Variants in RIOK1 observed in about 807,000 individuals in gnomAD.
RIOK1 encodes the protein RIO kinase 1, also known as serine/threonine-protein kinase RIO1.
In RIOK1, 66 loss-of-function variants were observed where a neutral mutation model predicts 73.5. The observed-to-expected ratio is 0.90, with a 90% CI of 0.74 to 1.10. The LOEUF is 1.10. Ranked by LOEUF, RIOK1 falls within the 50% of genes least tolerant of loss-of-function variation. The pLI, the probability that RIOK1 is intolerant of heterozygous loss-of-function variation, is 0.00. For synonymous variants in RIOK1, 224 were observed against 226.8 expected (o/e 0.99, Z 0.11); for missense variants, 658 against 699.8 (o/e 0.94, Z 0.67).
intron 1 of RIOK1, among the ~76,000 whole-genome samples, chr6:7,390,478 T>G (rs1215899615): frequency 6.6e-6 from 1 of 152,248 alleles, no homozygotes; most frequent in Non-Finnish European, 1.5e-5. Flanking sequence ...GAACTTTACC[T>G]TCTACGTGAA....
intron 15 of RIOK1, among the ~76,000 whole-genome samples, chr6:7,413,913 A>G (rs529187845): frequency 7.9e-5 from 12 of 152,288 alleles, no homozygotes; most frequent in South Asian, 2.1e-4. Flanking sequence ...TTCTACCTCT[A>G]TGTATATTTT....
chr6:7,417,231 C>A, intron 16 of RIOK1, 100 bp from the exon 17 acceptor site: 1 of 663,776 alleles, frequency 1.5e-6, no homozygotes, highest in Non-Finnish European at 2.5e-6. Flanking sequence ...GCCTGGGCGA[C>A]AGAGCAAGAC....
In RIOK1 at chr6:7,417,521, C is replaced by T. The variant is rs558779685; in HGVS notation, c.*80C>T. On this transcript the variant is annotated 3_prime_UTR_variant, in exon 17 of 17. Coordinates refer to ENST00000379834, the MANE Select transcript of RIOK1 (RefSeq NM_031480.3). ...CTCTTAAGCTGCATCTGGAAGATGGCTTATTGGTTTTAACCAGATTGTCAT... is the reference window on the plus strand; with the variant it reads ...CTCTTAAGCTGCATCTGGAAGATGGTTTATTGGTTTTAACCAGATTGTCAT... The T allele has an allele frequency of 1.9e-4, 164 of 856,136 alleles. No individual in the cohort carries two copies. Among genetic ancestry groups the T allele is most frequent in the Non-Finnish European group, 2.7e-4 (153 of 558,302 alleles). The allele number at this position is 856,136 out of a possible 1,614,324, so 53.0% of individuals were successfully genotyped here.
intron 12 of RIOK1, among the ~76,000 whole-genome samples, chr6:7,408,755 CT>C (rs1434182351): frequency 3.4e-5 from 5 of 149,156 alleles, no homozygotes; most frequent in Admixed American, 6.7e-5. Context: ...GAGTTTCCCT[CT>C]TGTTGCCCAG....
rs368751521 is a variant in RIOK1 at position 7,396,810 on chromosome 6, A to G, written c.437+38A>G. On this transcript the variant is annotated intron_variant, in intron 4 of 16. Coordinates refer to ENST00000379834, the MANE Select transcript of RIOK1 (RefSeq NM_031480.3). ...TTAATAATATGCATGGGTGATAAGGACTAATCTAGATTAAGCAGCACCTTG... is the reference window on the plus strand; with the variant it reads ...TTAATAATATGCATGGGTGATAAGGGCTAATCTAGATTAAGCAGCACCTTG... The G allele has an allele frequency of 5.3e-5, 58 of 1,095,438 alleles. No individual in the cohort carries two copies. In the African/African-American group the frequency reaches 7.6e-4, roughly 14 times the overall value. The allele number at this position is 1,095,438 out of a possible 1,614,324, so 67.9% of individuals were successfully genotyped here.
In RIOK1 at chr6:7,410,372, G is replaced by A; in HGVS notation, c.1204-14G>A. 6.3e-7 allele frequency: 1 copy of A among 1,596,742 alleles called. No homozygotes were observed. ...TTGAATATAAAAGAAAGTCATTTTT[G>A]TTTTCTTTCCAAGGCCATGGAAATA... On this transcript the variant is annotated splice_polypyrimidine_tract_variant and intron_variant, in intron 12 of 16. Coordinates refer to ENST00000379834, the MANE Select transcript of RIOK1 (RefSeq NM_031480.3).
Position 7,410,507 on chromosome 6 carries a change from T to A in RIOK1, c.1269+56T>A, listed in dbSNP as rs1761860549. 3.4e-6 allele frequency: 4 copies of A among 1,161,698 alleles called. No individual in the cohort carries two copies. The South Asian group carries it at 5.3e-5, about 16-fold the overall frequency. The allele number at this position is 1,161,698 out of a possible 1,614,324, so 72.0% of individuals were successfully genotyped here. ...GAAACACTTGTGTTTTGAGGGTTTT[T>A]TTTTTTATGTTGCTAGAGCATAAAC... On this transcript the variant is annotated intron_variant, in intron 13 of 16. Transcript: ENST00000379834.
intron 12 of RIOK1, among the ~76,000 whole-genome samples, chr6:7,405,672 C>T (rs1259902643): frequency 6.6e-6 from 1 of 152,048 alleles, no homozygotes; most frequent in Admixed American, 6.6e-5. Context: ...ACCCAGATTG[C>T]ATAGTGTAGT....
chr6:7,396,028 G>T (rs1761466013), intron 3 of RIOK1, among the ~76,000 whole-genome samples: 1 of 152,024 alleles, frequency 6.6e-6, no homozygotes, highest in Non-Finnish European at 1.5e-5. Context: ...TTTGTAATAG[G>T]GTTATCTCAT....
chr6:7,398,275 G>A (rs79065424), intron 4 of RIOK1, among the ~76,000 whole-genome samples: 2,633 of 152,062 alleles, frequency 0.017, 94 homozygotes, highest in African/African-American at 0.06. Flanking sequence ...AGGAGTCTAT[G>A]CCTAGCCTGG....
chr6:7,415,316 A>T (rs1465579121), intron 16 of RIOK1, among the ~76,000 whole-genome samples: 2 of 152,164 alleles, frequency 1.3e-5, no homozygotes, highest in African/African-American at 4.8e-5. Context: ...AGGCAAGAGG[A>T]TCCCTTGAGT....
At chr6:7,410,490 T>G (rs368491826) in intron 13 of RIOK1, 39 bp downstream of exon 13, 17 of 1,448,634 alleles carry the variant, frequency 1.2e-5, no homozygotes, top group Non-Finnish European at 1.1e-5. Context: ...TGGAAACACT[T>G]GTGTTTTGAG....
intron 12 of RIOK1, among the ~76,000 whole-genome samples, chr6:7,406,332 T>G (rs142422177): frequency 6.6e-6 from 1 of 152,310 alleles, no homozygotes; most frequent in East Asian, 1.9e-4. Context: ...TTTTTAGAAT[T>G]CTGGTAAAAG....
chr6:7,411,360 C>G lies in RIOK1; in HGVS notation c.1298C>G (p.Thr433Ser). 3.7e-6 allele frequency: 6 copies of G among 1,613,880 alleles called. No homozygotes were observed. Among genetic ancestry groups the G allele is most frequent in the South Asian group, 1.1e-5 (1 of 91,076 alleles). Residue 433 changes from threonine to serine, a missense_variant, in exon 14 of 17, where the codon ACC (threonine) becomes AGC (serine). Physicochemically the swap from Thr to Ser is moderately conservative, Grantham distance 58. Coordinates refer to ENST00000379834, the MANE Select transcript of RIOK1 (RefSeq NM_031480.3). ...TTTAAGCGAGCATATATTCCTAGAA[C>G]CTTGAATGAAGTGAAAAATTATGAG... ...EVFKRAYIPRTLNEVKNYERD... is the reference protein window; with the variant it reads ...EVFKRAYIPRSLNEVKNYERD...
intron 16 of RIOK1, 59 bp downstream of exon 16, chr6:7,414,449 C>G (rs1329546052): frequency 1.4e-6 from 2 of 1,447,664 alleles, no homozygotes; most frequent in African/African-American, 1.4e-5. Context: ...GCTCTTATTT[C>G]TCTTTGCTCA....
intron 12 of RIOK1, among the ~76,000 whole-genome samples, chr6:7,409,443 G>A (rs558202835): frequency 2.0e-5 from 3 of 151,860 alleles, no homozygotes; most frequent in African/African-American, 4.8e-5. Context: ...TAGTAGAGAC[G>A]GGTTTTCACC....
At chr6:7,402,476 A>G (rs1761635426) in intron 6 of RIOK1, 127 bp from the exon 7 acceptor site, 1 of 618,888 alleles carries the variant, frequency 1.6e-6, no homozygotes, top group African/African-American at 1.9e-5. Context: ...TCACATATTC[A>G]AAAGACAGTG....
chr6:7,407,512 G>A (rs1389346224), intron 12 of RIOK1, among the ~76,000 whole-genome samples: 4 of 150,746 alleles, frequency 2.7e-5, no homozygotes, highest in Non-Finnish European at 4.4e-5. Context: ...TAAGAGACAG[G>A]GTCTCTCTGT....
rs1264944687 is a variant in RIOK1 at position 7,402,776 on chromosome 6, T to C, written c.687-41T>C. On this transcript the variant is annotated intron_variant, in intron 7 of 16. Coordinates refer to ENST00000379834, the MANE Select transcript of RIOK1 (RefSeq NM_031480.3). The stretch of plus-strand genomic sequence containing the variant: ...TCTATTTCCTAAAACATTAAAATAA[T>C]AATGGAATGATTGAAATAATAAACA... 1.9e-6 allele frequency: 3 copies of C among 1,603,822 alleles called. No homozygotes were observed. In the Admixed American group the frequency reaches 5.1e-5, roughly 27 times the overall value.
Sources: allele counts gnomAD v4.1 joint callset (sites outside exome capture counted in the v4.1 genomes callset), GRCh38; gene constraint gnomAD v4.1.1; transcripts MANE v1.5; gene names NCBI Gene and HGNC (gene_info 2026-07-23, HGNC 2026-07-21).